Variants in SEMA5A observed in about 807,000 individuals in gnomAD.
The protein encoded by SEMA5A is semaphorin-5A.
In SEMA5A, 55 loss-of-function variants were observed where a neutral mutation model predicts 135.5. That is an observed-to-expected ratio of 0.41 (90% CI 0.33 to 0.51). SEMA5A has a LOEUF of 0.51. Ranked by LOEUF, SEMA5A falls within the 20% of genes least tolerant of loss-of-function variation. The pLI is 0.37. For missense variants in SEMA5A, 1,290 were observed against 1,419.9 expected (o/e 0.91, Z 1.47); for synonymous variants, 580 against 546.5 (o/e 1.06, Z -0.85).
intron 4 of SEMA5A, among the ~76,000 whole-genome samples, chr5:9,331,687 G>A (rs754203722): frequency 1.2e-4 from 19 of 152,198 alleles, no homozygotes; most frequent in Non-Finnish European, 2.5e-4. Context: ...ACCCACAAGT[G>A]GAGAGCTGCT....
intron 1 of SEMA5A, among the ~76,000 whole-genome samples, chr5:9,447,783 A>G (rs1013417394): frequency 1.3e-5 from 2 of 152,230 alleles, no homozygotes; most frequent in Non-Finnish European, 2.9e-5. Context: ...GAGAGTTTAC[A>G]CATGTGGGGG....
At chr5:9,055,002 A>G (rs371395842) in intron 18 of SEMA5A, among the ~76,000 whole-genome samples, 7 of 152,286 alleles carry the variant, frequency 4.6e-5, no homozygotes, top group Admixed American at 1.3e-4. Context: ...GACAGCTCAC[A>G]ACCCAGCACA....
chr5:9,389,484 G>A (rs759422279), intron 2 of SEMA5A, among the ~76,000 whole-genome samples: 14 of 152,162 alleles, frequency 9.2e-5, no homozygotes. Context: ...CCTTGCGTCT[G>A]CTTCCTCTCA....
rs138558318 is a variant in SEMA5A at position 9,299,501 on chromosome 5, T to G, written c.270+18871A>C. 2.9e-3 allele frequency among the ~76,000 whole-genome samples: 445 copies of G among 152,230 alleles called. 2 individuals carry two copies. The highest frequency in any genetic ancestry group is 5.1e-3 in the Non-Finnish European group (344 of 68,018). ...CAGGGGACTTTCTCTGAGCTGACCTTGTATTTTTACCAGCTTCCAATCTTG... is the reference window on the plus strand; with the variant it reads ...CAGGGGACTTTCTCTGAGCTGACCTGGTATTTTTACCAGCTTCCAATCTTG... On this transcript the variant is annotated intron_variant, in intron 5 of 22. Transcript: ENST00000382496.
intron 1 of SEMA5A, among the ~76,000 whole-genome samples, chr5:9,470,221 C>G (rs1274580250): frequency 6.6e-6 from 1 of 152,140 alleles, no homozygotes; most frequent in African/African-American, 2.4e-5. Context: ...TAGGGTGTGT[C>G]CCCAGGTTGC....
In SEMA5A at chr5:9,384,681, TAG is replaced by T. The variant is rs1439152276; in HGVS notation, c.-77-4660_-77-4659del. ...ATAGATATAGATAGATAGATATAGA[TAG>T]ATAGATAGATAGATAGATAGATAGA... On this transcript the variant is annotated intron_variant, in intron 2 of 22. Coordinates refer to ENST00000382496, the MANE Select transcript of SEMA5A (RefSeq NM_003966.3). 2.2e-4 allele frequency among the ~76,000 whole-genome samples: 24 copies of T among 110,176 alleles called. 2 individuals carry two copies. The highest frequency in any genetic ancestry group is 4.3e-3 in the Middle Eastern group (1 of 234). 72.3% of individuals were successfully genotyped at this position (110,176 alleles called of 152,430 possible).
At chr5:9,063,732 AC>A (rs1455106384) in intron 17 of SEMA5A, among the ~76,000 whole-genome samples, 2 of 152,190 alleles carry the variant, frequency 1.3e-5, no homozygotes, top group African/African-American at 4.8e-5. Context: ...ACACTACCTA[AC>A]AAAATGTGTT....
intron 1 of SEMA5A, among the ~76,000 whole-genome samples, chr5:9,439,774 T>C (rs1758166126): frequency 6.6e-6 from 1 of 152,200 alleles, no homozygotes; most frequent in African/African-American, 2.4e-5. Flanking sequence ...CAGACAGTCC[T>C]GGTGCAACCA....
intron 16 of SEMA5A, among the ~76,000 whole-genome samples, chr5:9,095,928 G>A (rs1172065255): frequency 6.6e-6 from 1 of 152,156 alleles, no homozygotes; most frequent in African/African-American, 2.4e-5. Flanking sequence ...TTGAACATTG[G>A]TATTAAGATT....
At chr5:9,247,540 A>G (rs1016325593) in intron 5 of SEMA5A, among the ~76,000 whole-genome samples, 11 of 152,154 alleles carry the variant, frequency 7.2e-5, no homozygotes, top group African/African-American at 2.2e-4. Context: ...CAGATTATGA[A>G]TGTTTCCTGG....
chr5:9,063,134 C>T, intron 17 of SEMA5A, 29 bp from the exon 18 acceptor site: 1 of 1,583,032 alleles, frequency 6.3e-7, no homozygotes, highest in Non-Finnish European at 8.6e-7. Flanking sequence ...AAGTGTGATT[C>T]TGTTACAAGT....
In SEMA5A at chr5:9,530,012, A is replaced by G. The variant is rs531842258; in HGVS notation, c.-175+15572T>C. Reference sequence around the variant, plus strand: ...TACCTGGTGTTCGACAAGGCTCAGCAGCCAGCACAGGCTCTGAAGAGCAGG... The same window carrying G: ...TACCTGGTGTTCGACAAGGCTCAGCGGCCAGCACAGGCTCTGAAGAGCAGG... On this transcript the variant is annotated intron_variant, in intron 1 of 22. Coordinates refer to ENST00000382496, the MANE Select transcript of SEMA5A (RefSeq NM_003966.3). Among the ~76,000 whole-genome samples, 533 of 152,338 alleles carry G rather than the reference A, an allele frequency of 3.5e-3. 2 individuals are homozygous for G. The highest frequency in any genetic ancestry group is 4.4e-3 in the Non-Finnish European group (300 of 68,036).
At chr5:9,101,750 T>G (rs569420534) in intron 16 of SEMA5A, among the ~76,000 whole-genome samples, 2 of 152,232 alleles carry the variant, frequency 1.3e-5, no homozygotes, top group African/African-American at 4.8e-5. Context: ...ACTATTCATA[T>G]AGGGTCTGCA....
At position 9,183,202 on chromosome 5, in the gene SEMA5A, T is replaced by A. The variant is rs1744618153; in HGVS notation, c.1273+7065A>T. 2.0e-5 allele frequency among the ~76,000 whole-genome samples: 3 copies of A among 152,262 alleles called. No homozygotes were observed. In the South Asian group the frequency reaches 6.2e-4, roughly 32 times the overall value. On this transcript the variant is annotated intron_variant, in intron 11 of 22. Coordinates refer to ENST00000382496, the MANE Select transcript of SEMA5A (RefSeq NM_003966.3). ...ATATGATTTGTTACCATGGGGCTCT[T>A]CCTTTATGATGAAACAGAAAGAGAC...
At chr5:9,463,279 G>C (rs1055643945) in intron 1 of SEMA5A, among the ~76,000 whole-genome samples, 10 of 152,084 alleles carry the variant, frequency 6.6e-5, no homozygotes, top group South Asian at 2.1e-4. Flanking sequence ...AAGGGAGAGA[G>C]GGAGGTTTTG....
At chr5:9,311,821 A>G (rs1752150444) in intron 5 of SEMA5A, among the ~76,000 whole-genome samples, 1 of 152,122 alleles carries the variant, frequency 6.6e-6, no homozygotes. Flanking sequence ...CTCTACCGAT[A>G]TTGATCATGT....
In SEMA5A at chr5:9,381,942, T is replaced by TTGTGTGTGTGTGTGTG. The variant is rs148157627; in HGVS notation, c.-77-1935_-77-1920dup. Among the ~76,000 whole-genome samples the TTGTGTGTGTGTGTGTG allele has an allele frequency of 8.3e-3, 910 of 109,216 alleles. 11 individuals are homozygous for TTGTGTGTGTGTGTGTG. The highest frequency in any genetic ancestry group is 0.011 in the South Asian group (26 of 2,358). The allele number at this position is 109,216 out of a possible 152,430, so 71.6% of individuals were successfully genotyped here. A position where few individuals can be genotyped will look rare whatever the true frequency, so the allele number is the denominator to read the frequency against. ...TTGTTTAGATGAGATTAGAATCATT[T>TTGTGTGTGTGTGTGTG]TGTGTGTGTGTGTGTGTGTGTGTGT... On this transcript the variant is annotated intron_variant, in intron 2 of 22. Transcript: ENST00000382496.
At chr5:9,155,557 C>A (rs1742908976) in intron 11 of SEMA5A, among the ~76,000 whole-genome samples, 1 of 152,076 alleles carries the variant, frequency 6.6e-6, no homozygotes, top group African/African-American at 2.4e-5. Flanking sequence ...CTTCTGGAAG[C>A]CGCTTAGAGA....
intron 4 of SEMA5A, among the ~76,000 whole-genome samples, chr5:9,332,833 A>G (rs565587086): frequency 1.3e-5 from 2 of 152,378 alleles, no homozygotes; most frequent in African/African-American, 4.8e-5. Context: ...TTCCAAGGAC[A>G]TAAATCATTA....
Sources: allele counts gnomAD v4.1 joint callset (sites outside exome capture counted in the v4.1 genomes callset), GRCh38; gene constraint gnomAD v4.1.1; transcripts MANE v1.5; gene names NCBI Gene and HGNC (gene_info 2026-07-23, HGNC 2026-07-21).